NTAN1: variants seen among roughly 807,000 people sequenced by gnomAD.
NTAN1 encodes N-terminal asparagine amidase, also known as protein N-terminal asparagine amidohydrolase.
A neutral mutation model predicts 41.9 loss-of-function variants in NTAN1; 32 were observed. The observed-to-expected ratio is 0.76, with a 90% CI of 0.58 to 1.03. The LOEUF is 1.03. NTAN1 is among the 50% of genes least tolerant of loss of function. NTAN1 has a pLI of 0.00. For missense variants in NTAN1, 377 were observed against 377.5 expected (o/e 1.00, Z 0.01); for synonymous variants, 140 against 139.5 (o/e 1.00, Z -0.03).
intron 1 of NTAN1, among the ~76,000 whole-genome samples, chr16:15,055,236 G>A (rs1194667755): frequency 6.6e-6 from 1 of 152,136 alleles, no homozygotes; most frequent in African/African-American, 2.4e-5. Flanking sequence ...GCATAAGCGT[G>A]GACAAGAGTT....
Position 15,048,106 on chromosome 16 carries a change from A to C in NTAN1, c.82-7T>G. On this transcript the variant is annotated splice_polypyrimidine_tract_variant and splice_region_variant and intron_variant, in intron 1 of 9. Transcript: ENST00000287706. Reference sequence around the variant, plus strand: ...TGAGAAGTCTGGCTCTTTCCTGTTTAATTAAAAAAAAAATAAAATAGTGAT... The same window carrying C: ...TGAGAAGTCTGGCTCTTTCCTGTTTCATTAAAAAAAAAATAAAATAGTGAT... 4.5e-6 allele frequency: 7 copies of C among 1,551,976 alleles called. No individual in the cohort carries two copies. The highest frequency in any genetic ancestry group is 5.3e-6 in the Non-Finnish European group (6 of 1,137,352).
intron 1 of NTAN1, 72 bp downstream of exon 1, chr16:15,055,819 G>T: frequency 2.4e-6 from 2 of 820,648 alleles, no homozygotes; most frequent in Non-Finnish European, 3.3e-6. Context: ...TGTGTCGCGT[G>T]AGGGGGGCGC....
At chr16:15,051,691 ATTTTT>A (rs1276652690) in intron 1 of NTAN1, among the ~76,000 whole-genome samples, 3 of 122,176 alleles carry the variant, frequency 2.5e-5, no homozygotes, top group African/African-American at 9.1e-5. Flanking sequence ...CCTCTACTTT[ATTTTT>A]AATTTTTTTT....
intron 4 of NTAN1, chr16:15,045,390 C>G (rs145420226): frequency 2.6e-5 from 4 of 152,068 alleles, no homozygotes; most frequent in African/African-American, 9.7e-5. Flanking sequence ...TCACTTGGAC[C>G]CAGGAGGCAG....
In NTAN1 at chr16:15,043,873, A is replaced by G. The variant is rs1011037208; in HGVS notation, c.433+461T>C. Among the ~76,000 whole-genome samples the G allele has an allele frequency of 4.6e-5, 7 of 152,224 alleles. No homozygotes were observed. The East Asian group carries it at 7.7e-4, about 17-fold the overall frequency. On this transcript the variant is annotated intron_variant, in intron 5 of 9. Transcript: ENST00000287706. ...TGAGGCAAGAGAATTGCTTGAACCC[A>G]GGAGGCAGAGCTTGCAGTGAGCCGA... is the stretch of plus-strand genomic sequence containing the variant.
At chr16:15,045,394 G>A (rs547989760) in intron 4 of NTAN1, 2 of 151,996 alleles carry the variant, frequency 1.3e-5, no homozygotes, top group Non-Finnish European at 2.9e-5. Context: ...TTGGACCCAG[G>A]AGGCAGAGGT....
At chr16:15,046,398 G>C (rs1284356270) in intron 4 of NTAN1, among the ~76,000 whole-genome samples, 1 of 152,192 alleles carries the variant, frequency 6.6e-6, no homozygotes, top group African/African-American at 2.4e-5. Context: ...GGACAGGTGT[G>C]TGAACAGTGG....
chr16:15,044,527 C>T lies in NTAN1; in HGVS notation c.360-120G>A, dbSNP rs556710853. The T allele has an allele frequency of 6.8e-5, 48 of 707,542 alleles. No individual in the cohort carries two copies. The East Asian group carries it at 1.3e-3, about 19-fold the overall frequency. 43.8% of individuals were successfully genotyped at this position (707,542 alleles called of 1,614,324 possible). On this transcript the variant is annotated intron_variant, in intron 4 of 9. Transcript: ENST00000287706. ...CTTGCTCTACAGCAGAGCTGCAGGTCATCTTCGTGCCACCGCAAAAGAAAG... is the reference window on the plus strand; with the variant it reads ...CTTGCTCTACAGCAGAGCTGCAGGTTATCTTCGTGCCACCGCAAAAGAAAG...
In NTAN1 at chr16:15,046,563, C is replaced by T. The variant is rs192135811; in HGVS notation, c.359+879G>A. On this transcript the variant is annotated intron_variant, in intron 4 of 9. Transcript: ENST00000287706. The stretch of plus-strand genomic sequence containing the variant: ...CTGTGGGGGCACCCAGGCTAGAGGC[C>T]GCTTCTTATCCAGCAATCCTTGGGG... Among the ~76,000 whole-genome samples the T allele has an allele frequency of 1.5e-3, 225 of 152,130 alleles. 1 individual carries two copies. Among genetic ancestry groups the T allele is most frequent in the African/African-American group, 4.6e-3 (192 of 41,502 alleles).
rs758207326 is a variant in NTAN1, at chr16:15,038,636, A to C, written c.691T>G (p.Ser231Ala). The C allele has an allele frequency of 6.2e-7, 1 of 1,610,252 alleles. No individual in the cohort carries two copies. The highest frequency in any genetic ancestry group is 1.1e-5 in the South Asian group (1 of 90,936). ...ETEQLRIGPY[S>A]WTPFPHVDFW... Reference sequence around the variant, plus strand: ...TCCACATGTGGAAATGGTGTCCAGGAGTACGGTCCTATACGAAGTTGTTCT... The same window carrying C: ...TCCACATGTGGAAATGGTGTCCAGGCGTACGGTCCTATACGAAGTTGTTCT... Residue 231 changes from serine to alanine, a missense_variant, in exon 9 of 10, where the codon TCC becomes GCC. Coordinates refer to ENST00000287706, the MANE Select transcript of NTAN1 (RefSeq NM_173474.4).
In NTAN1 at chr16:15,055,941, G is replaced by A. The variant is rs1426045761; in HGVS notation, c.31C>T (p.Arg11Trp). 1 of 1,231,600 alleles carries A rather than the reference G, an allele frequency of 8.1e-7. No individual in the cohort carries two copies. Among genetic ancestry groups the A allele is most frequent in the Non-Finnish European group, 1.0e-6 (1 of 986,718 alleles). 76.3% of individuals were successfully genotyped at this position (1,231,600 alleles called of 1,614,324 possible). Reference protein sequence around the residue: MPLLVEGRRVRLPQSAGDLVR... With the variant: MPLLVEGRRVWLPQSAGDLVR... ...AGGTCCCCGGCTGACTGCGGCAGCC[G>A]CACTCGCCGCCCCTCGACGAGCAGC... Residue 11 changes from arginine to tryptophan, a missense_variant, in exon 1 of 10, where the codon CGG becomes TGG. Arg to Trp is a moderately radical substitution (Grantham distance 101). Coordinates refer to ENST00000287706, the MANE Select transcript of NTAN1 (RefSeq NM_173474.4).
At chr16:15,040,900 A>T (rs2043786856) in intron 7 of NTAN1, among the ~76,000 whole-genome samples, 168 bp downstream of exon 7, 1 of 152,160 alleles carries the variant, frequency 6.6e-6, no homozygotes, top group Non-Finnish European at 1.5e-5. Flanking sequence ...TAAAGCTTAG[A>T]GAAGTTAAGC....
chr16:15,047,231 C>A, intron 4 of NTAN1: 1 of 544,948 alleles, frequency 1.8e-6, no homozygotes. Flanking sequence ...ATCTCAAATC[C>A]AGCACAGACT....
intron 1 of NTAN1, among the ~76,000 whole-genome samples, chr16:15,053,932 CAAA>C (rs1567775272): frequency 3.3e-5 from 5 of 149,402 alleles, no homozygotes; most frequent in South Asian, 4.1e-4. Context: ...ACCAACCAAA[CAAA>C]CAAACAAAAA....
At chr16:15,040,947 G>C in intron 7 of NTAN1, 121 bp downstream of exon 7, 1 of 737,602 alleles carries the variant, frequency 1.4e-6, no homozygotes, top group Non-Finnish European at 2.5e-6. Flanking sequence ...GTTCGGAGTA[G>C]CTGGGATCTG....
chr16:15,056,003 A>C lies in NTAN1; in HGVS notation c.-32T>G. The C allele has an allele frequency of 8.6e-7, 1 of 1,159,532 alleles. No individual in the cohort carries two copies. Among genetic ancestry groups the C allele is most frequent in the Non-Finnish European group, 1.1e-6 (1 of 932,326 alleles). The allele number at this position is 1,159,532 out of a possible 1,614,324, so 71.8% of individuals were successfully genotyped here. A position where few individuals can be genotyped will look rare whatever the true frequency, so the allele number is the denominator to read the frequency against. On this transcript the variant is annotated 5_prime_UTR_variant, in exon 1 of 10. Transcript: ENST00000287706. ...GGCGGCCGCCCAGGCAGGCCCAGGG[A>C]GGCGGCGGCCCCCCGCTTTGCAGCC...
In NTAN1 at chr16:15,053,903, C is replaced by T. The variant is rs1171474951; in HGVS notation, c.81+1988G>A. Reference sequence around the variant, plus strand: ...ATCCAGCCTGGGCCACAGAACAAAACTAAGTCTCAAAAAAACCAACCAACC... The same window carrying T: ...ATCCAGCCTGGGCCACAGAACAAAATTAAGTCTCAAAAAAACCAACCAACC... On this transcript the variant is annotated intron_variant, in intron 1 of 9. Coordinates refer to ENST00000287706, the MANE Select transcript of NTAN1 (RefSeq NM_173474.4). Among the ~76,000 whole-genome samples, 7 of 152,172 alleles carry T rather than the reference C, an allele frequency of 4.6e-5. No individual in the cohort carries two copies. In the East Asian group the frequency reaches 5.8e-4, roughly 13 times the overall value.
intron 1 of NTAN1, among the ~76,000 whole-genome samples, chr16:15,048,313 T>TA (rs2044159791): frequency 6.6e-6 from 1 of 152,224 alleles, no homozygotes; most frequent in African/African-American, 2.4e-5. Context: ...GTGGTTTTTT[T>TA]AACCTATGAA....
chr16:15,047,629 C>T (rs1332689494), intron 3 of NTAN1, 79 bp from the exon 4 acceptor site: 7 of 1,086,746 alleles, frequency 6.4e-6, no homozygotes, highest in Non-Finnish European at 8.6e-6. Context: ...GCCTGTCCCT[C>T]CGGACCGCCT....
Sources: allele counts gnomAD v4.1 joint callset (sites outside exome capture counted in the v4.1 genomes callset), GRCh38; gene constraint gnomAD v4.1.1; transcripts MANE v1.5; gene names NCBI Gene and HGNC (gene_info 2026-07-23, HGNC 2026-07-21).